COL24A1: variants seen among roughly 807,000 people sequenced by gnomAD.
The protein encoded by COL24A1 is collagen type XXIV alpha 1 chain.
COL24A1 carries 224 observed loss-of-function variants against 253.9 expected under a neutral mutation model. That is an observed-to-expected ratio of 0.88 (90% CI 0.79 to 0.99). The LOEUF is 0.99. Ranked by LOEUF, COL24A1 falls within the 50% of genes least tolerant of loss-of-function variation. COL24A1 has a pLI of 0.00. For synonymous variants in COL24A1, 685 were observed against 673.7 expected (o/e 1.02, Z -0.26); for missense variants, 2,131 against 2,068.5 (o/e 1.03, Z -0.59).
rs771143500 is a variant in COL24A1 at position 86,156,431 on chromosome 1, G to A, written c.-35C>T. ...TTTGTCCGTGCAGCAAAGCGCTAAC[G>A]GAAAACAGAAGCCAACTCTGAACTG... On this transcript the variant is annotated 5_prime_UTR_variant, in exon 1 of 60. Coordinates refer to ENST00000370571, the MANE Select transcript of COL24A1 (RefSeq NM_152890.7). The A allele has an allele frequency of 1.9e-6, 3 of 1,601,958 alleles. No homozygotes were observed. Among genetic ancestry groups the A allele is most frequent in the African/African-American group, 1.3e-5 (1 of 74,276 alleles).
intron 24 of COL24A1, among the ~76,000 whole-genome samples, chr1:85,941,711 A>AT (rs969160337): frequency 6.6e-6 from 1 of 152,170 alleles, no homozygotes; most frequent in Non-Finnish European, 1.5e-5. Flanking sequence ...CTAAGAAACT[A>AT]TTTCCTGACA....
chr1:85,907,474 A>G (rs1469782345), intron 27 of COL24A1, among the ~76,000 whole-genome samples: 2 of 151,926 alleles, frequency 1.3e-5, no homozygotes, highest in African/African-American at 4.8e-5. Flanking sequence ...CCCTGAATAA[A>G]AAATGGAGAA....
At chr1:85,991,874 T>C (rs1026799742) in intron 19 of COL24A1, among the ~76,000 whole-genome samples, 2 of 151,728 alleles carry the variant, frequency 1.3e-5, no homozygotes, top group Admixed American at 6.6e-5. Flanking sequence ...TTATTTTTTA[T>C]TTTTATTGGC....
At chr1:86,040,821 G>T (rs1699423097) in intron 12 of COL24A1, among the ~76,000 whole-genome samples, 1 of 152,032 alleles carries the variant, frequency 6.6e-6, no homozygotes. Flanking sequence ...TAATGTTCTA[G>T]CTAGAGTTGT....
chr1:85,926,597 C>G (rs1687259483), intron 24 of COL24A1, among the ~76,000 whole-genome samples: 1 of 151,440 alleles, frequency 6.6e-6, no homozygotes, highest in Non-Finnish European at 1.5e-5. Flanking sequence ...TGTTCTCACT[C>G]ATAGGTGGGA....
At chr1:85,891,056 CTT>C (rs1052392254) in intron 31 of COL24A1, among the ~76,000 whole-genome samples, 71 of 144,866 alleles carry the variant, frequency 4.9e-4, no homozygotes, top group African/African-American at 1.7e-3. Context: ...ATCTTTTTTT[CTT>C]TTTTTTTTTT....
intron 1 of COL24A1, among the ~76,000 whole-genome samples, chr1:86,150,021 T>C (rs1309991388): frequency 6.6e-6 from 1 of 152,220 alleles, no homozygotes; most frequent in Non-Finnish European, 1.5e-5. Context: ...CAATTTCCTT[T>C]TTTAGCAGTA....
intron 12 of COL24A1, 65 bp downstream of exon 12, chr1:86,046,760 A>C (rs1017666674): frequency 1.3e-5 from 20 of 1,567,878 alleles, no homozygotes; most frequent in Non-Finnish European, 1.7e-5. Context: ...CATTTTAATA[A>C]GTAAGAACAC....
chr1:86,146,246 T>A, intron 1 of COL24A1, 63 bp from the exon 2 acceptor site: 1 of 1,230,140 alleles, frequency 8.1e-7, no homozygotes, highest in Non-Finnish European at 1.2e-6. Flanking sequence ...CCATATAGAA[T>A]CCAAAACAGT....
chr1:85,971,908 A>G (rs1042921662), intron 20 of COL24A1, among the ~76,000 whole-genome samples: 6 of 152,168 alleles, frequency 3.9e-5, no homozygotes, highest in African/African-American at 1.4e-4. Context: ...TAAAAAGAGA[A>G]GAGGAATTTG....
In COL24A1 at chr1:86,004,176, C is replaced by T. The variant is rs78195087; in HGVS notation, c.2310+12975G>A. Among the ~76,000 whole-genome samples, 77 of 152,296 alleles carry T rather than the reference C, an allele frequency of 5.1e-4. No homozygotes were observed. The East Asian group carries it at 0.013, about 25-fold the overall frequency. On this transcript the variant is annotated intron_variant, in intron 19 of 59. Transcript: ENST00000370571. The stretch of plus-strand genomic sequence containing the variant: ...TCCACGAAGAAGGCAACCAGCTACT[C>T]GGTGGCAAATTTCTTACATTGGGCA...
intron 31 of COL24A1, among the ~76,000 whole-genome samples, chr1:85,892,345 C>T (rs1296938152): frequency 6.6e-6 from 1 of 152,038 alleles, no homozygotes; most frequent in African/African-American, 2.4e-5. Flanking sequence ...CCAAAAGACT[C>T]TGTCAACCTA....
chr1:85,904,042 T>C (rs1471780730), intron 28 of COL24A1, among the ~76,000 whole-genome samples: 2 of 152,182 alleles, frequency 1.3e-5, no homozygotes. Context: ...TCCCCCTATA[T>C]GGTAAGCATT....
intron 24 of COL24A1, among the ~76,000 whole-genome samples, chr1:85,919,098 C>A (rs1165181075): frequency 6.6e-6 from 1 of 152,152 alleles, no homozygotes; most frequent in Non-Finnish European, 1.5e-5. Flanking sequence ...ATGTTCCACA[C>A]AGGCACTGCT....
chr1:85,965,158 T>C (rs1052900530), intron 22 of COL24A1, 96 bp from the exon 23 acceptor site: 9 of 877,202 alleles, frequency 1.0e-5, no homozygotes, highest in Non-Finnish European at 1.6e-5. Context: ...ACTATTCTTA[T>C]AAATTTAAAT....
chr1:85,770,990 C>A (rs146277952), intron 53 of COL24A1, among the ~76,000 whole-genome samples: 10 of 152,278 alleles, frequency 6.6e-5, no homozygotes, highest in African/African-American at 2.4e-4. Flanking sequence ...TCTCCTGATG[C>A]CTGGCAAGGC....
At chr1:85,883,208 T>A (rs143726428) in intron 32 of COL24A1, among the ~76,000 whole-genome samples, 49 of 152,102 alleles carry the variant, frequency 3.2e-4, no homozygotes, top group Non-Finnish European at 5.4e-4. Context: ...CATTTTATTT[T>A]ATTTTAATTT....
intron 8 of COL24A1, 75 bp from the exon 9 acceptor site, chr1:86,059,249 T>C (rs1700891285): frequency 9.5e-7 from 1 of 1,057,136 alleles, no homozygotes; most frequent in Admixed American, 2.4e-5. Context: ...ATACACAAGC[T>C]TGGAAATAAT....
intron 19 of COL24A1, among the ~76,000 whole-genome samples, chr1:85,991,783 T>C (rs1694300109): frequency 1.3e-5 from 2 of 152,164 alleles, no homozygotes; most frequent in South Asian, 2.1e-4. Flanking sequence ...GCTGATCTCA[T>C]AGTATAGTCA....
Sources: gnomAD v4.1 joint callset for allele counts (sites outside exome capture counted in the v4.1 genomes callset) on GRCh38, gnomAD v4.1.1 for gene constraint, MANE v1.5 for transcripts, NCBI Gene and HGNC (gene_info 2026-07-23, HGNC 2026-07-21) for gene names.